CYB5RL: variants seen among roughly 807,000 people sequenced by gnomAD.
CYB5RL encodes the protein cytochrome b5 reductase like.
Under a neutral mutation model 37.5 loss-of-function variants are expected in CYB5RL, and 38 were observed. The ratio of observed to expected loss-of-function variants is 1.01; its 90% CI spans 0.78 to 1.33. The LOEUF is 1.33. Ranked by LOEUF, CYB5RL falls within the 40% of genes most tolerant of loss-of-function variation. CYB5RL has a pLI of 0.00. For synonymous variants in CYB5RL, 141 were observed against 151.9 expected (o/e 0.93, Z 0.53); for missense variants, 388 against 394.4 (o/e 0.98, Z 0.14).
intron 7 of CYB5RL, among the ~76,000 whole-genome samples, chr1:54,177,733 A>C (rs1416753008): frequency 6.6e-6 from 1 of 152,180 alleles, no homozygotes; most frequent in Non-Finnish European, 1.5e-5. Flanking sequence ...AAGTGCTTAG[A>C]ATGGTGCTGG....
At chr1:54,181,953 G>C (rs1018640385) in intron 6 of CYB5RL, among the ~76,000 whole-genome samples, 2 of 152,188 alleles carry the variant, frequency 1.3e-5, no homozygotes, top group Non-Finnish European at 2.9e-5. Flanking sequence ...GGGAAGACAG[G>C]AAGGCAGGAA....
chr1:54,171,267 T>C lies in CYB5RL; in HGVS notation c.*3352A>G. The C allele has an allele frequency of 6.6e-6, 3 of 455,968 alleles. No individual in the cohort carries two copies. Among genetic ancestry groups the C allele is most frequent in the South Asian group, 4.7e-5 (3 of 64,510 alleles). 28.2% of individuals were successfully genotyped at this position (455,968 alleles called of 1,614,324 possible). A position where few individuals can be genotyped will look rare whatever the true frequency, so the allele number is the denominator to read the frequency against. On this transcript the variant is annotated 3_prime_UTR_variant, in exon 8 of 8. Coordinates refer to ENST00000534324, the MANE Select transcript of CYB5RL (RefSeq NM_001031672.4). ...GATGAGCTGACGCAAGAGAACATGT[T>C]TGGAGCCTGAGAGGTGGGTGTGAGT...
chr1:54,187,775 A>G (rs1643915944), intron 4 of CYB5RL, 36 bp from the exon 5 acceptor site: 1 of 1,591,678 alleles, frequency 6.3e-7, no homozygotes. Context: ...TCAGCCAGTC[A>G]TTCAGCAAAC....
In CYB5RL at chr1:54,179,212, C is replaced by T; in HGVS notation, c.681G>A (p.Leu227=). Residue 227 remains leucine (L), a synonymous_variant, in exon 7 of 8, where the codon CTG becomes CTA. Transcript: ENST00000534324. ...GCFKTFESIY[L]KTFLQEQARF... ...GGGCCTGCTCTTGGAGGAAGGTTTT[C>T]AGGTAGATGCTCTCAAAGGTCTTGA... 6.2e-7 allele frequency: 1 copy of T among 1,613,734 alleles called. No individual in the cohort carries two copies. Among genetic ancestry groups the T allele is most frequent in the South Asian group, 1.1e-5 (1 of 90,950 alleles).
intron 6 of CYB5RL, among the ~76,000 whole-genome samples, chr1:54,181,377 C>G (rs1380606288): frequency 4.6e-5 from 7 of 152,250 alleles, no homozygotes; most frequent in Admixed American, 4.6e-4. Flanking sequence ...TGACCCATCT[C>G]TAGGTCCCCA....
Position 54,174,945 on chromosome 1 carries a change from T to G in CYB5RL, c.745-123A>C, listed in dbSNP as rs532302397. 20 of 944,404 alleles carry G rather than the reference T, an allele frequency of 2.1e-5. No homozygotes were observed. In the East Asian group the frequency reaches 5.3e-4, roughly 25 times the overall value. 58.5% of individuals were successfully genotyped at this position (944,404 alleles called of 1,614,324 possible). ...AGAGGGTGTAGGAAGCCAACCTATA[T>G]CCAGGCCCACCATGGGCCAGGCATT... On this transcript the variant is annotated intron_variant, in intron 7 of 7. Transcript: ENST00000534324.
intron 6 of CYB5RL, among the ~76,000 whole-genome samples, chr1:54,183,883 G>A (rs1455724172): frequency 2.6e-5 from 4 of 152,190 alleles, no homozygotes; most frequent in African/African-American, 9.7e-5. Context: ...GCTGAGGCAG[G>A]AGAATCGCTT....
intron 7 of CYB5RL, among the ~76,000 whole-genome samples, chr1:54,178,476 C>T (rs1240238893): frequency 6.6e-6 from 1 of 152,176 alleles, no homozygotes; most frequent in East Asian, 1.9e-4. Flanking sequence ...GACAATCCCC[C>T]ATGCTCTAAC....
intron 4 of CYB5RL, among the ~76,000 whole-genome samples, chr1:54,189,551 T>A (rs1643931485): frequency 6.6e-6 from 1 of 152,180 alleles, no homozygotes; most frequent in Non-Finnish European, 1.5e-5. Context: ...GTACCTCAGA[T>A]ACCTTCTGGG....
intron 6 of CYB5RL, 63 bp downstream of exon 6, chr1:54,184,098 G>A: frequency 3.5e-6 from 5 of 1,440,720 alleles, no homozygotes; most frequent in Non-Finnish European, 4.8e-6. Flanking sequence ...AGATGCTATG[G>A]GCCGAAACAT....
chr1:54,190,927 G>A, intron 3 of CYB5RL, 31 bp from the exon 4 acceptor site: 1 of 1,603,216 alleles, frequency 6.2e-7, no homozygotes, highest in Non-Finnish European at 8.5e-7. Context: ...ACAGCTAGAG[G>A]CCGGGGCTCC....
chr1:54,181,908 C>T lies in CYB5RL; in HGVS notation c.540+2253G>A, dbSNP rs149403636. ...GTGGAGCTGTAGTGAGCTATGACAG[C>T]ACTCCAGCTTGGGCAACAGGGAGGG... On this transcript the variant is annotated intron_variant, in intron 6 of 7. Transcript: ENST00000534324. Among the ~76,000 whole-genome samples, 264 of 152,288 alleles carry T rather than the reference C, an allele frequency of 1.7e-3. 2 individuals are homozygous for T. The highest frequency in any genetic ancestry group is 5.8e-3 in the African/African-American group (241 of 41,558).
At chr1:54,198,656 G>T (rs1163247614) in intron 1 of CYB5RL, among the ~76,000 whole-genome samples, 10 of 119,630 alleles carry the variant, frequency 8.4e-5, no homozygotes, top group Non-Finnish European at 1.5e-4. Flanking sequence ...TTTTGAGACA[G>T]GGTCTTGCTG....
Position 54,174,367 on chromosome 1 carries a change from G to A in CYB5RL, c.*252C>T. ...CTGAAGAGTCCTCCCTGACTCCCAG[G>A]CTGGTTGCTCACCTCCTCAGGGCCC... On this transcript the variant is annotated 3_prime_UTR_variant, in exon 8 of 8. Coordinates refer to ENST00000534324, the MANE Select transcript of CYB5RL (RefSeq NM_001031672.4). 1 of 505,902 alleles carries A rather than the reference G, an allele frequency of 2.0e-6. No homozygotes were observed. The highest frequency in any genetic ancestry group is 2.1e-5 in the South Asian group (1 of 46,646). The allele number at this position is 505,902 out of a possible 1,614,324, so 31.3% of individuals were successfully genotyped here. A position where few individuals can be genotyped will look rare whatever the true frequency, so the allele number is the denominator to read the frequency against.
At position 54,171,479 on chromosome 1, in the gene CYB5RL, A is replaced by G. The variant is rs754095975; in HGVS notation, c.*3140T>C. 2.2e-6 allele frequency: 1 copy of G among 454,264 alleles called. No individual in the cohort carries two copies. Among genetic ancestry groups the G allele is most frequent in the Non-Finnish European group, 4.4e-6 (1 of 225,458 alleles). 28.1% of individuals were successfully genotyped at this position (454,264 alleles called of 1,614,324 possible). On this transcript the variant is annotated 3_prime_UTR_variant, in exon 8 of 8. Coordinates refer to ENST00000534324, the MANE Select transcript of CYB5RL (RefSeq NM_001031672.4). Reference sequence around the variant, plus strand: ...GGGAGCTGGGAGACCCATGAGGGGAACACAGAAGTGACGTTGGTAAACATG... The same window carrying G: ...GGGAGCTGGGAGACCCATGAGGGGAGCACAGAAGTGACGTTGGTAAACATG...
At chr1:54,189,628 C>T (rs759304545) in intron 4 of CYB5RL, among the ~76,000 whole-genome samples, 5 of 152,274 alleles carry the variant, frequency 3.3e-5, no homozygotes, top group South Asian at 2.1e-4. Context: ...GGGATGTCAC[C>T]GCAGGGACAG....
At chr1:54,178,702 C>G (rs983932803) in intron 7 of CYB5RL, among the ~76,000 whole-genome samples, 1 of 152,188 alleles carries the variant, frequency 6.6e-6, no homozygotes, top group Non-Finnish European at 1.5e-5. Flanking sequence ...TGGCATCATG[C>G]TAAGCACTGA....
rs12138007 is a variant in CYB5RL at position 54,172,701 on chromosome 1, T to C, written c.*1918A>G. The C allele has an allele frequency of 0.12, 18,042 of 152,322 alleles. 1,368 individuals carry two copies. The highest frequency in any genetic ancestry group is 0.24 in the Middle Eastern group (71 of 294). 9.4% of individuals were successfully genotyped at this position (152,322 alleles called of 1,614,324 possible). Reference sequence around the variant, plus strand: ...GATGGACATAACTGCATCTGCCTGGTGTGCTGTTGTTTCCCTGGTGTCTGA... The same window carrying C: ...GATGGACATAACTGCATCTGCCTGGCGTGCTGTTGTTTCCCTGGTGTCTGA... On this transcript the variant is annotated 3_prime_UTR_variant, in exon 8 of 8. Coordinates refer to ENST00000534324, the MANE Select transcript of CYB5RL (RefSeq NM_001031672.4).
intron 7 of CYB5RL, chr1:54,175,795 A>T (rs1009937393): frequency 1.1e-5 from 3 of 279,332 alleles, no homozygotes; most frequent in African/African-American, 6.5e-5. Flanking sequence ...GAGATAATTT[A>T]AGTCACATGG....
Sources: allele counts gnomAD v4.1 joint callset (sites outside exome capture counted in the v4.1 genomes callset), GRCh38; gene constraint gnomAD v4.1.1; transcripts MANE v1.5; gene names NCBI Gene and HGNC (gene_info 2026-07-23, HGNC 2026-07-21).